The following ADAM2 variants were observed in gnomAD, a reference collection of about 807,000 sequenced individuals.
The protein encoded by ADAM2 is ADAM metallopeptidase domain 2, also known as disintegrin and metalloproteinase domain-containing protein 2.
A neutral mutation model predicts 99.3 loss-of-function variants in ADAM2; 101 were observed. That is an observed-to-expected ratio of 1.02 (90% CI 0.87 to 1.20). The LOEUF is 1.20. Among genes scored for constraint, ADAM2 ranks in the 50% most tolerant of loss-of-function variants. ADAM2 has a pLI of 0.00. For missense variants in ADAM2, 948 were observed against 878.7 expected (o/e 1.08, Z -1.00); for synonymous variants, 323 against 287.6 (o/e 1.12, Z -1.25).
chr8:39,821,495 C>A, intron 5 of ADAM2, 91 bp downstream of exon 5: 3 of 1,040,248 alleles, frequency 2.9e-6, no homozygotes, highest in Non-Finnish European at 2.8e-6. Flanking sequence ...TCATGCCACA[C>A]TTTAGAACCA....
intron 4 of ADAM2, among the ~76,000 whole-genome samples, chr8:39,822,676 A>G (rs1269107920): frequency 6.6e-6 from 1 of 152,158 alleles, no homozygotes; most frequent in South Asian, 2.1e-4. Context: ...ATCTTCAAAT[A>G]TAAGTATTAT....
intron 1 of ADAM2, 44 bp from the exon 2 acceptor site, chr8:39,837,256 T>C (rs201661995): frequency 6.0e-5 from 84 of 1,395,648 alleles, no homozygotes; most frequent in Middle Eastern, 3.6e-4. Flanking sequence ...TGCCCATCAT[T>C]TCAGAGCGTG....
intron 3 of ADAM2, among the ~76,000 whole-genome samples, chr8:39,828,603 A>G (rs2129588946): frequency 1.3e-5 from 2 of 151,978 alleles, no homozygotes; most frequent in South Asian, 2.1e-4. Flanking sequence ...AGCACACCTT[A>G]AAACTAAAGG....
At chr8:39,749,012 T>C (rs1823589878) in intron 18 of ADAM2, among the ~76,000 whole-genome samples, 3 of 152,262 alleles carry the variant, frequency 2.0e-5, no homozygotes, top group Admixed American at 2.0e-4. Flanking sequence ...CTTTCTCTGA[T>C]TAATCTTCTC....
chr8:39,766,215 G>T (rs933941865), intron 14 of ADAM2, among the ~76,000 whole-genome samples: 7 of 152,010 alleles, frequency 4.6e-5, no homozygotes, highest in African/African-American at 1.7e-4. Context: ...AATGTCTATA[G>T]TCATATTACT....
intron 10 of ADAM2, among the ~76,000 whole-genome samples, chr8:39,781,405 A>G (rs1309623883): frequency 6.6e-6 from 1 of 152,196 alleles, no homozygotes; most frequent in Non-Finnish European, 1.5e-5. Context: ...ACCTCCACAT[A>G]AAATAGAATC....
chr8:39,748,790 C>A (rs1474094503), intron 18 of ADAM2, among the ~76,000 whole-genome samples: 1 of 152,112 alleles, frequency 6.6e-6, no homozygotes, highest in African/African-American at 2.4e-5. Flanking sequence ...ATTCCCCCTT[C>A]CTCTCCAGAA....
At chr8:39,793,754 A>C (rs1209675396) in intron 7 of ADAM2, among the ~76,000 whole-genome samples, 1 of 152,148 alleles carries the variant, frequency 6.6e-6, no homozygotes, top group Non-Finnish European at 1.5e-5. Flanking sequence ...TTGAGAGAAC[A>C]TAAAAATATA....
intron 4 of ADAM2, among the ~76,000 whole-genome samples, chr8:39,822,658 G>A (rs78432088): frequency 0.035 from 5,266 of 151,858 alleles, 141 homozygotes; most frequent in Non-Finnish European, 0.054. Flanking sequence ...TAGAAGAGAA[G>A]TGTTTAAATC....
Position 39,821,188 on chromosome 8 carries a change from A to T in ADAM2, c.345-18T>A. ...GTACGCCCCTAAAAATTTCAAAAAA[A>T]AATTAATAAGTAAAACAATGCCTTG... On this transcript the variant is annotated intron_variant, in intron 5 of 20. Coordinates refer to ENST00000265708, the MANE Select transcript of ADAM2 (RefSeq NM_001464.5). 6.6e-7 allele frequency: 1 copy of T among 1,520,832 alleles called. No individual in the cohort carries two copies. Among genetic ancestry groups the T allele is most frequent in the Middle Eastern group, 1.8e-4 (1 of 5,560 alleles). The allele number at this position is 1,520,832 out of a possible 1,614,324, so 94.2% of individuals were successfully genotyped here.
rs559835548 is a variant in ADAM2 at position 39,787,656 on chromosome 8, CCTT to C, written c.809+426_809+428del. Reference sequence around the variant, plus strand: ...AGAAAGGAAGGCTAATGTACTAAAACCTTAAGCACAATGCAGATATATTAGAGA... The same window carrying C: ...AGAAAGGAAGGCTAATGTACTAAAACAAGCACAATGCAGATATATTAGAGA... On this transcript the variant is annotated intron_variant, in intron 9 of 20. Coordinates refer to ENST00000265708, the MANE Select transcript of ADAM2 (RefSeq NM_001464.5). Among the ~76,000 whole-genome samples, 48 of 150,964 alleles carry C rather than the reference CCTT, an allele frequency of 3.2e-4. No individual in the cohort carries two copies. In the East Asian group the frequency reaches 9.3e-3, roughly 29 times the overall value.
chr8:39,797,071 T>G (rs62511201), intron 7 of ADAM2, among the ~76,000 whole-genome samples: 4,432 of 152,318 alleles, frequency 0.029, 87 homozygotes, highest in Middle Eastern at 0.054. Flanking sequence ...TATTTGTCAA[T>G]TCTGGCTTTT....
At chr8:39,821,495 C>CTGAA in intron 5 of ADAM2, 91 bp downstream of exon 5, 1 of 1,040,248 alleles carries the variant, frequency 9.6e-7, no homozygotes, top group Non-Finnish European at 1.4e-6. Context: ...TCATGCCACA[C>CTGAA]TTTAGAACCA....
At chr8:39,751,203 T>C (rs673839) in intron 16 of ADAM2, among the ~76,000 whole-genome samples, 3,297 of 152,236 alleles carry the variant, frequency 0.022, 129 homozygotes, top group African/African-American at 0.076. Flanking sequence ...GGTAGTAGTA[T>C]AAAAAGTACT....
At chr8:39,812,313 A>G (rs1804738305) in intron 6 of ADAM2, among the ~76,000 whole-genome samples, 1 of 152,224 alleles carries the variant, frequency 6.6e-6, no homozygotes, top group East Asian at 1.9e-4. Flanking sequence ...ATGCTCATGG[A>G]TAGGAAGAAT....
At chr8:39,777,888 TG>T (rs1803060797) in intron 10 of ADAM2, among the ~76,000 whole-genome samples, 1 of 151,440 alleles carries the variant, frequency 6.6e-6, no homozygotes, top group African/African-American at 2.4e-5. Context: ...ATTTCATAAA[TG>T]TTTTTATAAA....
In ADAM2 at chr8:39,838,226, G is replaced by A; in HGVS notation, c.-41C>T. The stretch of plus-strand genomic sequence containing the variant: ...GTCCCAGCCGGAATAATGGCAGTTG[G>A]TGGTTACAGGGCAGTTGGAAGCGCG... On this transcript the variant is annotated 5_prime_UTR_variant, in exon 1 of 21. Coordinates refer to ENST00000265708, the MANE Select transcript of ADAM2 (RefSeq NM_001464.5). The A allele has an allele frequency of 6.2e-7, 1 of 1,611,902 alleles. No homozygotes were observed. The highest frequency in any genetic ancestry group is 1.1e-5 in the South Asian group (1 of 91,038).
At chr8:39,746,677 A>ATCTT in intron 18 of ADAM2, 46 bp from the exon 19 acceptor site, 8 of 1,431,488 alleles carry the variant, frequency 5.6e-6, no homozygotes, top group Non-Finnish European at 7.6e-6. Context: ...CACCAGAAAT[A>ATCTT]TAGTAAAGAT....
At chr8:39,746,257 C>T (rs147796549) in intron 19 of ADAM2, among the ~76,000 whole-genome samples, 2,056 of 152,146 alleles carry the variant, frequency 0.014, 46 homozygotes, top group African/African-American at 0.047. Flanking sequence ...GAACTCCTGG[C>T]TTTAAGTGAT....
Sources: gnomAD v4.1 joint callset for allele counts (sites outside exome capture counted in the v4.1 genomes callset) on GRCh38, gnomAD v4.1.1 for gene constraint, MANE v1.5 for transcripts, NCBI Gene and HGNC (gene_info 2026-07-23, HGNC 2026-07-21) for gene names.